Variants in IQGAP1 observed in about 807,000 individuals in gnomAD.
The protein encoded by IQGAP1 is IQ motif containing GTPase activating protein 1.
In IQGAP1, 66 loss-of-function variants were observed where a neutral mutation model predicts 215.6. That is an observed-to-expected ratio of 0.31 (90% CI 0.25 to 0.38). IQGAP1 has a LOEUF of 0.38. Ranked by LOEUF, IQGAP1 falls within the 10% of genes least tolerant of loss-of-function variation. The probability of loss-of-function intolerance (pLI) is 1.00; values close to 1 mark genes in which losing one functional copy is unlikely to be tolerated. For missense variants in IQGAP1, 1,712 were observed against 1,997.1 expected (o/e 0.86, Z 2.72); for synonymous variants, 772 against 728.7 (o/e 1.06, Z -0.96).
chr15:90,452,988 A>G (rs758288917), intron 12 of IQGAP1, 50 bp downstream of exon 12: 1 of 1,597,402 alleles, frequency 6.3e-7, no homozygotes, highest in East Asian at 2.2e-5. Context: ...GGTGGACGTG[A>G]GTGTAATACC....
intron 36 of IQGAP1, 90 bp downstream of exon 36, chr15:90,494,925 T>C: frequency 2.2e-6 from 2 of 901,126 alleles, no homozygotes; most frequent in Non-Finnish European, 3.4e-6. Context: ...CTTTTCTGGA[T>C]GGTTACTTTT....
rs140613074 is a variant in IQGAP1, at chr15:90,441,524, C to T, written c.668C>T (p.Ala223Val). ...DEAALHAAVI[A>V]INEAIDRRIP... ...TTTTTAGTACATGCTGCTGTTATTG[C>T]TATTAATGAAGCTATTGACCGTAGA... is the stretch of plus-strand genomic sequence containing the variant. Residue 223 changes from alanine to valine, a missense_variant, in exon 8 of 38, where the codon GCT (alanine) becomes GTT (valine). Physicochemically the swap from Ala to Val is moderately conservative, Grantham distance 64 (BLOSUM62 0). Transcript: ENST00000268182. 4 of 1,611,128 alleles carry T rather than the reference C, an allele frequency of 2.5e-6. No homozygotes were observed. The highest frequency in any genetic ancestry group is 3.4e-6 in the Non-Finnish European group (4 of 1,178,730).
intron 2 of IQGAP1, among the ~76,000 whole-genome samples, chr15:90,402,259 A>G (rs1380216491): frequency 6.6e-6 from 1 of 152,200 alleles, no homozygotes; most frequent in African/African-American, 2.4e-5. Flanking sequence ...CTTTGAATTC[A>G]GCTTAGAAAG....
intron 13 of IQGAP1, 92 bp from the exon 14 acceptor site, chr15:90,454,336 A>G: frequency 6.7e-7 from 1 of 1,493,796 alleles, no homozygotes; most frequent in Non-Finnish European, 9.2e-7. Flanking sequence ...TTGAGAATAT[A>G]TCAAATGGTT....
At chr15:90,456,947 T>C (rs1965691665) in intron 15 of IQGAP1, among the ~76,000 whole-genome samples, 1 of 107,084 alleles carries the variant, frequency 9.3e-6, no homozygotes, top group Admixed American at 9.0e-5. Context: ...TACGTATATA[T>C]ATAATATACG....
intron 22 of IQGAP1, 57 bp downstream of exon 22, chr15:90,474,190 A>G: frequency 1.4e-6 from 2 of 1,461,532 alleles, no homozygotes; most frequent in Non-Finnish European, 1.9e-6. Context: ...CACCAAGTTC[A>G]GGGTATTCTC....
In IQGAP1 at chr15:90,465,983, G is replaced by A; in HGVS notation, c.1777-18G>A. 1 of 1,596,830 alleles carries A rather than the reference G, an allele frequency of 6.3e-7. No homozygotes were observed. The highest frequency in any genetic ancestry group is 8.6e-7 in the Non-Finnish European group (1 of 1,164,328). On this transcript the variant is annotated intron_variant, in intron 15 of 37. Transcript: ENST00000268182. The stretch of plus-strand genomic sequence containing the variant: ...CCTGATTTCATGACTTTAATATTTT[G>A]CTTTTAATGATATGTAGGAAATCCA...
At chr15:90,483,293 C>A in intron 28 of IQGAP1, 68 bp from the exon 29 acceptor site, 1 of 1,206,364 alleles carries the variant, frequency 8.3e-7, no homozygotes, top group Non-Finnish European at 1.2e-6. Context: ...TCTTTGCTAG[C>A]AAAGTCATTT....
At chr15:90,453,377 A>G (rs760498228) in intron 13 of IQGAP1, 85 bp downstream of exon 13, 153 of 1,029,178 alleles carry the variant, frequency 1.5e-4, no homozygotes, top group Non-Finnish European at 2.0e-4. Flanking sequence ...TTTTCTTTGC[A>G]GGCATTATTA....
intron 2 of IQGAP1, among the ~76,000 whole-genome samples, chr15:90,396,297 A>G (rs1225686442): frequency 6.6e-6 from 1 of 152,174 alleles, no homozygotes; most frequent in Non-Finnish European, 1.5e-5. Flanking sequence ...TCATGAAAAT[A>G]GAAGTTAAGA....
chr15:90,417,510 A>G (rs933237584), intron 2 of IQGAP1, among the ~76,000 whole-genome samples: 1 of 152,090 alleles, frequency 6.6e-6, no homozygotes, highest in Non-Finnish European at 1.5e-5. Context: ...CAAAGATCAG[A>G]TGGTTGTGGA....
intron 15 of IQGAP1, 97 bp from the exon 16 acceptor site, chr15:90,465,904 C>T (rs1965824287): frequency 1.1e-6 from 1 of 916,358 alleles, no homozygotes; most frequent in Non-Finnish European, 1.8e-6. Flanking sequence ...GCCTGTTCTT[C>T]CATATTTAAT....
intron 4 of IQGAP1, among the ~76,000 whole-genome samples, chr15:90,432,476 C>G (rs2151016198): frequency 6.6e-6 from 1 of 152,296 alleles, no homozygotes. Flanking sequence ...AGCTCCAAAG[C>G]TAGGCTACTT....
intron 5 of IQGAP1, among the ~76,000 whole-genome samples, 186 bp downstream of exon 5, chr15:90,433,981 GA>G (rs1965336478): frequency 6.6e-6 from 1 of 152,106 alleles, no homozygotes. Flanking sequence ...GGAGTTTGGA[GA>G]AGGGATTTAT....
intron 2 of IQGAP1, among the ~76,000 whole-genome samples, chr15:90,392,824 A>G (rs1809120): frequency 0.014 from 1,895 of 135,580 alleles, 32 homozygotes; most frequent in African/African-American, 0.052. Context: ...GGCTCATTGC[A>G]ACCTCCACCT....
intron 17 of IQGAP1, among the ~76,000 whole-genome samples, chr15:90,466,711 T>C (rs1489351436): frequency 6.6e-6 from 1 of 151,916 alleles, no homozygotes; most frequent in Non-Finnish European, 1.5e-5. Context: ...GTAGCTCTGA[T>C]TAAGCCTATA....
At chr15:90,393,441 T>C (rs886510374) in intron 2 of IQGAP1, 1 of 151,172 alleles carries the variant, frequency 6.6e-6, no homozygotes, top group African/African-American at 2.5e-5. Context: ...TGTATTGTTT[T>C]ATTTATATCT....
At chr15:90,481,338 C>T (rs1242635752) in intron 26 of IQGAP1, among the ~76,000 whole-genome samples, 2 of 144,588 alleles carry the variant, frequency 1.4e-5, no homozygotes, top group African/African-American at 5.2e-5. Context: ...CTCAGCCTTC[C>T]TAGTAGCTGG....
At chr15:90,463,543 T>C (rs890747189) in intron 15 of IQGAP1, among the ~76,000 whole-genome samples, 6 of 152,346 alleles carry the variant, frequency 3.9e-5, no homozygotes, top group Admixed American at 6.5e-5. Flanking sequence ...ATTGGAACTA[T>C]TGTCTAGTAT....
Sources: allele counts gnomAD v4.1 joint callset (sites outside exome capture counted in the v4.1 genomes callset), GRCh38; gene constraint gnomAD v4.1.1; transcripts MANE v1.5; gene names NCBI Gene and HGNC (gene_info 2026-07-23, HGNC 2026-07-21).